ARHGEF4: variants seen among roughly 807,000 people sequenced by gnomAD.
ARHGEF4 encodes the protein APC-stimulated guanine nucleotide exchange factor 1.
ARHGEF4 carries 119 observed loss-of-function variants against 162.0 expected under a neutral mutation model. That is an observed-to-expected ratio of 0.73 (90% CI 0.63 to 0.86). The LOEUF (loss-of-function observed/expected upper bound fraction) is 0.86. ARHGEF4 is among the 40% of genes least tolerant of loss of function. The pLI is 0.00. For synonymous variants in ARHGEF4, 1,014 were observed against 979.9 expected (o/e 1.03, Z -0.65); for missense variants, 2,488 against 2,456.0 (o/e 1.01, Z -0.28).
chr2:130,932,983 G>A (rs1258373518), intron 3 of ARHGEF4, among the ~76,000 whole-genome samples: 8 of 152,124 alleles, frequency 5.3e-5, no homozygotes, highest in African/African-American at 7.2e-5. Flanking sequence ...TGGGGAAGCC[G>A]AGGCGGTGGA....
intron 4 of ARHGEF4, among the ~76,000 whole-genome samples, chr2:130,949,407 G>T (rs898710457): frequency 2.6e-5 from 4 of 152,196 alleles, no homozygotes; most frequent in African/African-American, 9.7e-5. Context: ...AAGCTGGAGT[G>T]CAGTGGTGCG....
intron 4 of ARHGEF4, among the ~76,000 whole-genome samples, chr2:130,992,416 T>C (rs926662053): frequency 3.9e-5 from 6 of 152,130 alleles, no homozygotes; most frequent in Non-Finnish European, 8.8e-5. Flanking sequence ...GTAGCTTCAC[T>C]CCTGAAGCCA....
chr2:130,988,897 TATATAGAGAGAGAGAGAGAG>T (rs1453282406), intron 4 of ARHGEF4, among the ~76,000 whole-genome samples: 2 of 111,420 alleles, frequency 1.8e-5, no homozygotes, highest in Non-Finnish European at 3.6e-5. Flanking sequence ...TATATATATA[TATATAGAGAGAGAGAGAGAG>T]AGAGAGAGAG....
At chr2:130,943,669 T>C (rs1349679470) in intron 3 of ARHGEF4, among the ~76,000 whole-genome samples, 1 of 152,208 alleles carries the variant, frequency 6.6e-6, no homozygotes, top group Non-Finnish European at 1.5e-5. Flanking sequence ...AATTAGTATT[T>C]TCCCACTTCG....
intron 4 of ARHGEF4, among the ~76,000 whole-genome samples, chr2:130,970,079 C>G (rs773854475): frequency 8.5e-5 from 13 of 152,176 alleles, no homozygotes; most frequent in Non-Finnish European, 1.5e-4. Flanking sequence ...TAGGGTGTTA[C>G]AAATAAAGCT....
At chr2:130,946,700 G>T (rs1342692793) in intron 4 of ARHGEF4, 65 bp downstream of exon 4, 1 of 1,603,812 alleles carries the variant, frequency 6.2e-7, no homozygotes, top group South Asian at 1.1e-5. Flanking sequence ...CAAGAAGCTA[G>T]TGCTGTTGGC....
intron 4 of ARHGEF4, among the ~76,000 whole-genome samples, chr2:130,970,389 G>C (rs1483243631): frequency 6.6e-6 from 1 of 152,090 alleles, no homozygotes; most frequent in African/African-American, 2.4e-5. Context: ...AGGCGTTCGA[G>C]ACCAGCCTGA....
intron 4 of ARHGEF4, among the ~76,000 whole-genome samples, chr2:130,984,615 G>GCA (rs75128479): frequency 0.023 from 3,548 of 151,806 alleles, 144 homozygotes; most frequent in East Asian, 0.19. Flanking sequence ...CTTGAACCCG[G>GCA]GAGGCAGAGG....
In ARHGEF4 at chr2:130,916,339, C is replaced by T. The variant is rs1483818530; in HGVS notation, c.2393C>T (p.Thr798Ile). ...PGKRPTFSKV[T>I]SFRKGRPLAT... ...AAGCGCCCGACGTTTTCCAAGGTGA[C>T]CTCCTTCAGGAAGGGCAGGCCCTTG... Residue 798 changes from threonine (T) to isoleucine (I), a missense_variant, in exon 2 of 14, where the codon ACC becomes ATC. Around this residue, in one of 6 missense-constraint regions of ARHGEF4, gnomAD observed 1,642 missense variants for 1,481.5 expected, o/e 1.11. Transcript: ENST00000409359. The T allele has an allele frequency of 4.5e-6, 7 of 1,543,008 alleles. No individual in the cohort carries two copies. Among genetic ancestry groups the T allele is most frequent in the East Asian group, 2.5e-5 (1 of 40,510 alleles).
At chr2:131,043,796 G>T (rs979033135) in intron 11 of ARHGEF4, 3 of 599,628 alleles carry the variant, frequency 5.0e-6, no homozygotes, top group Non-Finnish European at 8.7e-6. Context: ...CAGGCCGGGT[G>T]CTGTTGAGAG....
intron 2 of ARHGEF4, among the ~76,000 whole-genome samples, chr2:130,920,305 C>T (rs1280927646): frequency 1.3e-5 from 2 of 152,188 alleles, no homozygotes; most frequent in African/African-American, 4.8e-5. Flanking sequence ...GACAGAGTCT[C>T]ACCTTGTTGC....
intron 2 of ARHGEF4, among the ~76,000 whole-genome samples, chr2:130,927,263 C>T (rs1016192091): frequency 2.0e-5 from 3 of 152,066 alleles, no homozygotes; most frequent in Admixed American, 6.5e-5. Context: ...CAGGCCTTCT[C>T]CTGCATTACC....
chr2:130,933,877 A>G (rs1682784159), intron 3 of ARHGEF4, among the ~76,000 whole-genome samples: 1 of 152,194 alleles, frequency 6.6e-6, no homozygotes, highest in South Asian at 2.1e-4. Flanking sequence ...ATAAAAATAG[A>G]TTACTTTACT....
rs142388814 is a variant in ARHGEF4 at position 130,923,545 on chromosome 2, G to A, written c.3552+6047G>A. On this transcript the variant is annotated intron_variant, in intron 2 of 13. Coordinates refer to ENST00000409359, the MANE Select transcript of ARHGEF4 (RefSeq NM_001367493.1). ...AGCTCGCTGAGTGCCACTTGTGGGC[G>A]GGCAATGTTCTAGATGCAGCGGACA... is the stretch of plus-strand genomic sequence containing the variant. Among the ~76,000 whole-genome samples the A allele has an allele frequency of 9.3e-3, 1,412 of 152,280 alleles. 10 individuals carry two copies. The highest frequency in any genetic ancestry group is 0.02 in the African/African-American group (847 of 41,568).
chr2:131,044,426 A>T lies in ARHGEF4; in HGVS notation c.5285A>T (p.His1762Leu), dbSNP rs1334615401. The T allele has an allele frequency of 3.2e-6, 5 of 1,566,794 alleles. No individual in the cohort carries two copies. In the South Asian group the frequency reaches 5.9e-5, roughly 18 times the overall value. The change falls in exon 12 of 14, where the codon CAC (histidine) becomes CTC (leucine). Residue 1762 changes from histidine to leucine, a missense_variant. This residue lies in a region of ARHGEF4 where 415 missense variants were observed against 512.4 expected (regional missense o/e 0.81). Coordinates refer to ENST00000409359, the MANE Select transcript of ARHGEF4 (RefSeq NM_001367493.1). ...AGCATCAAGAACGCCTTCCGGCTGC[A>T]CCGTGGCGCCACAGGGGACAGCCAC... Reference protein sequence around the residue: ...HVSIKNAFRLHRGATGDSHLL... With the variant: ...HVSIKNAFRLLRGATGDSHLL...
chr2:130,958,403 T>G (rs1475426286), intron 4 of ARHGEF4, among the ~76,000 whole-genome samples: 3 of 152,028 alleles, frequency 2.0e-5, no homozygotes, highest in Non-Finnish European at 4.4e-5. Flanking sequence ...GAGTCTTTTT[T>G]TTTTTGCTGG....
intron 4 of ARHGEF4, among the ~76,000 whole-genome samples, chr2:131,005,288 T>A (rs1688048851): frequency 6.6e-6 from 1 of 152,140 alleles, no homozygotes; most frequent in African/African-American, 2.4e-5. Context: ...GGGCTCGGCC[T>A]CATTCCTCAC....
chr2:130,988,935 GAA>G lies in ARHGEF4; in HGVS notation c.3986-39008_3986-39007del, dbSNP rs1491582652. On this transcript the variant is annotated intron_variant, in intron 4 of 13. Coordinates refer to ENST00000409359, the MANE Select transcript of ARHGEF4 (RefSeq NM_001367493.1). ...AGAGAGAGAGAGAGAGAGAGAGAGA[GAA>G]AGATTCCAAAAATATAATTATTTTC... 6.4e-3 allele frequency among the ~76,000 whole-genome samples: 915 copies of G among 144,020 alleles called. 11 individuals are homozygous for G. The highest frequency in any genetic ancestry group is 0.022 in the African/African-American group (830 of 37,378). 94.5% of individuals were successfully genotyped at this position (144,020 alleles called of 152,430 possible).
intron 4 of ARHGEF4, among the ~76,000 whole-genome samples, chr2:130,948,978 T>G (rs994303666): frequency 6.6e-6 from 1 of 152,220 alleles, no homozygotes; most frequent in African/African-American, 2.4e-5. Flanking sequence ...GTAGAATTTC[T>G]ACTTTGTAGA....
Sources: allele counts gnomAD v4.1 joint callset (sites outside exome capture counted in the v4.1 genomes callset), GRCh38; gene constraint gnomAD v4.1.1; regional missense constraint gnomAD v4.1.1; transcripts MANE v1.5; gene names NCBI Gene and HGNC (gene_info 2026-07-23, HGNC 2026-07-21).